JPH3: variants seen among roughly 807,000 people sequenced by gnomAD.
JPH3 encodes junctophilin 3, also known as junctophilin-3.
A neutral mutation model predicts 59.6 loss-of-function variants in JPH3; 11 were observed. That is an observed-to-expected ratio of 0.18 (90% confidence interval 0.12 to 0.31). The LOEUF (loss-of-function observed/expected upper bound fraction) is 0.31, where lower values mean the gene tolerates loss of function less well. Ranked by LOEUF, JPH3 falls within the 10% of genes least tolerant of loss-of-function variation. The probability of loss-of-function intolerance (pLI) is 1.00; values close to 1 mark genes in which losing one functional copy is unlikely to be tolerated. For missense variants in JPH3, 1,202 were observed against 1,105.7 expected (o/e 1.09, Z -1.24); for synonymous variants, 673 against 483.6 (o/e 1.39, Z -5.14).
At position 87,695,098 on chromosome 16, in the gene JPH3, C is replaced by G. The variant is rs12596382; in HGVS notation, c.2167-1482C>G. The G allele has an allele frequency of 2.6e-5, 9 of 352,214 alleles. No homozygotes were observed. The East Asian group carries it at 3.7e-4, about 15-fold the overall frequency. The allele number at this position is 352,214 out of a possible 1,614,324, so 21.8% of individuals were successfully genotyped here. A position where few individuals can be genotyped will look rare whatever the true frequency, so the allele number is the denominator to read the frequency against. ...GTGGAACTGCTGGGTCCCCGGTGTT[C>G]TCATCAATTCTCTTCCAGTCTCTGG... On this transcript the variant is annotated intron_variant, in intron 4 of 4. Transcript: ENST00000284262.
chr16:87,684,677 G>C (rs2033374590), intron 3 of JPH3, among the ~76,000 whole-genome samples: 1 of 152,238 alleles, frequency 6.6e-6, no homozygotes, highest in African/African-American at 2.4e-5. Flanking sequence ...TGCGGTCCTG[G>C]CTCTTGACCT....
chr16:87,639,172 C>T (rs534173882), intron 1 of JPH3, among the ~76,000 whole-genome samples: 1 of 152,326 alleles, frequency 6.6e-6, no homozygotes, highest in South Asian at 2.1e-4. Flanking sequence ...GACTTTCCAG[C>T]ACCTTAAGGC....
chr16:87,641,673 A>G (rs1365366018), intron 1 of JPH3, among the ~76,000 whole-genome samples: 1 of 152,210 alleles, frequency 6.6e-6, no homozygotes, highest in African/African-American at 2.4e-5. Flanking sequence ...TTCCTTTTTC[A>G]ACGGAGAGGC....
At chr16:87,672,655 C>T (rs569983536) in intron 2 of JPH3, among the ~76,000 whole-genome samples, 2 of 152,374 alleles carry the variant, frequency 1.3e-5, no homozygotes, top group African/African-American at 4.8e-5. Context: ...GACGAGGACA[C>T]AGTCGCAGCA....
chr16:87,613,756 A>G (rs1015423303), intron 1 of JPH3, among the ~76,000 whole-genome samples: 1 of 152,206 alleles, frequency 6.6e-6, no homozygotes, highest in African/African-American at 2.4e-5. Context: ...AAAGAAAAAC[A>G]CTTTTTCTTT....
chr16:87,690,536 C>T lies in JPH3; in HGVS notation c.2166+10C>T, dbSNP rs374846230. On this transcript the variant is annotated intron_variant, in intron 4 of 4. Coordinates refer to ENST00000284262, the MANE Select transcript of JPH3 (RefSeq NM_020655.4). The stretch of plus-strand genomic sequence containing the variant: ...GCTCAAGTCCAGTACGGTGAGTGGG[C>T]GGCCACCAGGCTGGTCCCAGTGGAG... The T allele has an allele frequency of 9.5e-5, 139 of 1,458,770 alleles. 3 individuals carry two copies. Among genetic ancestry groups the T allele is most frequent in the Middle Eastern group, 1.8e-4 (1 of 5,518 alleles). 90.4% of individuals were successfully genotyped at this position (1,458,770 alleles called of 1,614,324 possible).
chr16:87,626,695 C>T (rs1445914488), intron 1 of JPH3, among the ~76,000 whole-genome samples: 1 of 152,262 alleles, frequency 6.6e-6, no homozygotes, highest in Non-Finnish European at 1.5e-5. Flanking sequence ...AGAACCCTGA[C>T]CCTTGGGAAG....
chr16:87,612,189 T>A (rs1211314661), intron 1 of JPH3, among the ~76,000 whole-genome samples: 1 of 152,174 alleles, frequency 6.6e-6, no homozygotes. Context: ...TAGTGTGTGA[T>A]CGTGGCTCAC....
intron 1 of JPH3, among the ~76,000 whole-genome samples, chr16:87,606,472 G>A (rs2030525606): frequency 6.6e-6 from 1 of 152,190 alleles, no homozygotes; most frequent in South Asian, 2.1e-4. Context: ...CCTACCGTCT[G>A]CATGGTGAGG....
At position 87,644,300 on chromosome 16, in the gene JPH3, A is replaced by G; in HGVS notation, c.425A>G (p.Tyr142Cys). 6.2e-7 allele frequency: 1 copy of G among 1,612,484 alleles called. No homozygotes were observed. The highest frequency in any genetic ancestry group is 8.5e-7 in the Non-Finnish European group (1 of 1,179,736). The change falls in exon 2 of 5, where the codon TAC becomes TGC. Residue 142 changes from tyrosine to cysteine, a missense_variant. Coordinates refer to ENST00000284262, the MANE Select transcript of JPH3 (RefSeq NM_020655.4). ...GQWVGGMRQG[Y>C]GVRQSVPYGM... ...TGGGTCGGTGGCATGCGCCAGGGCT[A>G]CGGCGTCCGGCAGAGCGTCCCGTAT...
intron 1 of JPH3, among the ~76,000 whole-genome samples, chr16:87,615,609 G>A (rs535041694): frequency 7.7e-4 from 117 of 152,322 alleles, no homozygotes; most frequent in African/African-American, 2.4e-3. Flanking sequence ...ATGGAGCAGG[G>A]ACTCCATAGC....
In JPH3 at chr16:87,645,066, T is replaced by C. The variant is rs745360863; in HGVS notation, c.1160+31T>C. 7 of 1,575,878 alleles carry C rather than the reference T, an allele frequency of 4.4e-6. No homozygotes were observed. The East Asian group carries it at 1.6e-4, about 35-fold the overall frequency. On this transcript the variant is annotated intron_variant, in intron 2 of 4. Transcript: ENST00000284262. ...AGGGCGAGGGGGCGGGGGGCCCTTC[T>C]TGGTGCCCAGAAGGTGTTTGTGAGC...
chr16:87,645,516 T>C (rs2032117564), intron 2 of JPH3, among the ~76,000 whole-genome samples: 1 of 152,108 alleles, frequency 6.6e-6, no homozygotes, highest in Admixed American at 6.5e-5. Context: ...CCCTGGGAGA[T>C]GGCAGCAGTT....
intron 2 of JPH3, among the ~76,000 whole-genome samples, chr16:87,655,465 C>A (rs1308156326): frequency 6.6e-6 from 1 of 152,182 alleles, no homozygotes; most frequent in Non-Finnish European, 1.5e-5. Flanking sequence ...ACGATCCTCC[C>A]ACCTCAGCCT....
chr16:87,602,873 T>A lies in JPH3; in HGVS notation c.-274T>A. On this transcript the variant is annotated 5_prime_UTR_variant, in exon 1 of 5. Transcript: ENST00000284262. ...CCTGCCCCCTCCCTCCCTCCTCCCC[T>A]CCCCCTCCCCTCCGGTCCTGTCTCC... 1 of 21,346 alleles carries A rather than the reference T, an allele frequency of 4.7e-5. No homozygotes were observed. The allele number at this position is 21,346 out of a possible 1,614,324, so 1.3% of individuals were successfully genotyped here.
rs549094156 is a variant in JPH3, at chr16:87,619,988, T to C, written c.382+16460T>C. Among the ~76,000 whole-genome samples the C allele has an allele frequency of 5.9e-5, 9 of 152,186 alleles. No homozygotes were observed. In the South Asian group the frequency reaches 1.9e-3, roughly 32 times the overall value. ...GGAACAGGGCCACCCTGGGACCCAGTGCGCAAGGAGCCCAAGGGCCCTCAC... is the reference window on the plus strand; with the variant it reads ...GGAACAGGGCCACCCTGGGACCCAGCGCGCAAGGAGCCCAAGGGCCCTCAC... On this transcript the variant is annotated intron_variant, in intron 1 of 4. Coordinates refer to ENST00000284262, the MANE Select transcript of JPH3 (RefSeq NM_020655.4).
intron 2 of JPH3, among the ~76,000 whole-genome samples, chr16:87,646,688 C>A (rs2032164814): frequency 6.6e-6 from 1 of 151,958 alleles, no homozygotes; most frequent in Admixed American, 6.6e-5. Context: ...CTTTTTTGAC[C>A]CTAGTGGACA....
intron 3 of JPH3, among the ~76,000 whole-genome samples, chr16:87,687,512 G>A (rs1597291758): frequency 6.6e-6 from 1 of 152,226 alleles, no homozygotes; most frequent in Non-Finnish European, 1.5e-5. Flanking sequence ...GGACCATGAA[G>A]GAGCCTGGCC....
At chr16:87,670,947 C>G (rs918084421) in intron 2 of JPH3, among the ~76,000 whole-genome samples, 2 of 152,156 alleles carry the variant, frequency 1.3e-5, no homozygotes, top group African/African-American at 4.8e-5. Flanking sequence ...GATCCTGGCC[C>G]TCCCTGAATC....
Sources: allele counts gnomAD v4.1 joint callset (sites outside exome capture counted in the v4.1 genomes callset), GRCh38; gene constraint gnomAD v4.1.1; transcripts MANE v1.5; gene names NCBI Gene and HGNC (gene_info 2026-07-23, HGNC 2026-07-21).